The following AK4 variants were observed in gnomAD, a reference collection of about 807,000 sequenced individuals.
AK4 encodes the protein adenylate kinase 4, mitochondrial.
A neutral mutation model predicts 24.6 loss-of-function variants in AK4; 13 were observed. The ratio of observed to expected loss-of-function variants is 0.53; its 90% CI spans 0.34 to 0.84. The LOEUF (loss-of-function observed/expected upper bound fraction) is 0.84, where lower values mean the gene tolerates loss of function less well. Among genes scored for constraint, AK4 ranks in the 40% least tolerant of loss-of-function variants. AK4 has a pLI of 0.01. For missense variants in AK4, 192 were observed against 288.2 expected (o/e 0.67, Z 2.42); for synonymous variants, 88 against 107.0 (o/e 0.82, Z 1.10).
chr1:65,181,603 G>A (rs1215523788), intron 1 of AK4, among the ~76,000 whole-genome samples: 1 of 152,100 alleles, frequency 6.6e-6, no homozygotes, highest in Non-Finnish European at 1.5e-5. Flanking sequence ...GGCCAGGCTG[G>A]TCTCAAACTC....
Position 65,229,244 on chromosome 1 carries a change from C to T in AK4, c.*3067C>T, listed in dbSNP as rs1652561952. 6.6e-6 allele frequency: 1 copy of T among 152,032 alleles called. No homozygotes were observed. Among genetic ancestry groups the T allele is most frequent in the Non-Finnish European group, 1.5e-5 (1 of 68,024 alleles). The allele number at this position is 152,032 out of a possible 1,614,324, so 9.4% of individuals were successfully genotyped here. On this transcript the variant is annotated 3_prime_UTR_variant, in exon 5 of 5. Transcript: ENST00000327299. The stretch of plus-strand genomic sequence containing the variant: ...GAGTCTGCTTGGTTCTGCTTATGGC[C>T]TCACATCAAGAAATGGAGCTAGTCC...
At chr1:65,195,463 C>G (rs1489296947) in intron 2 of AK4, among the ~76,000 whole-genome samples, 3 of 152,300 alleles carry the variant, frequency 2.0e-5, no homozygotes, top group Admixed American at 6.5e-5. Context: ...TGAGTCTTCT[C>G]ATCTTGCAAA....
chr1:65,230,585 CCTT>C lies in AK4; in HGVS notation c.*4409_*4411del, dbSNP rs1370361988. 6.6e-6 allele frequency: 1 copy of C among 152,140 alleles called. No homozygotes were observed. Among genetic ancestry groups the C allele is most frequent in the Non-Finnish European group, 1.5e-5 (1 of 68,030 alleles). 9.4% of individuals were successfully genotyped at this position (152,140 alleles called of 1,614,324 possible). ...CATATGTAATAATCTAAACTTGCCT[CCTT>C]GTATTATAAATGGAAATAATCCTGT... On this transcript the variant is annotated 3_prime_UTR_variant, in exon 5 of 5. Coordinates refer to ENST00000327299, the MANE Select transcript of AK4 (RefSeq NM_013410.4).
intron 1 of AK4, among the ~76,000 whole-genome samples, chr1:65,171,081 G>A (rs550852261): frequency 4.1e-5 from 6 of 145,504 alleles, no homozygotes; most frequent in Admixed American, 1.4e-4. Context: ...TCAGCCTCCC[G>A]AGTAGCTCGG....
At position 65,229,203 on chromosome 1, in the gene AK4, A is replaced by G. The variant is rs1428319150; in HGVS notation, c.*3026A>G. 3.3e-5 allele frequency: 5 copies of G among 152,150 alleles called. No homozygotes were observed. Among genetic ancestry groups the G allele is most frequent in the Non-Finnish European group, 7.3e-5 (5 of 68,032 alleles). The allele number at this position is 152,150 out of a possible 1,614,324, so 9.4% of individuals were successfully genotyped here. On this transcript the variant is annotated 3_prime_UTR_variant, in exon 5 of 5. Transcript: ENST00000327299. Reference sequence around the variant, plus strand: ...TGTTATTAATAGCTAATTGTGTCCAAGCAACCAAGGGCCTTGAGTCTGCTT... The same window carrying G: ...TGTTATTAATAGCTAATTGTGTCCAGGCAACCAAGGGCCTTGAGTCTGCTT...
intron 1 of AK4, among the ~76,000 whole-genome samples, chr1:65,156,567 G>C (rs1303600774): frequency 6.6e-6 from 1 of 152,036 alleles, no homozygotes; most frequent in East Asian, 1.9e-4. Context: ...TGAAAATTGA[G>C]AACCAAAGAA....
intron 2 of AK4, among the ~76,000 whole-genome samples, chr1:65,200,303 C>T (rs1262797187): frequency 6.6e-6 from 1 of 152,018 alleles, no homozygotes; most frequent in Admixed American, 6.6e-5. Context: ...TTAGTAGAGA[C>T]GGGGTTTCAC....
intron 4 of AK4, among the ~76,000 whole-genome samples, chr1:65,225,547 T>A (rs1040744759): frequency 3.3e-5 from 5 of 152,168 alleles, no homozygotes; most frequent in South Asian, 2.1e-4. Context: ...TTAAATTTTT[T>A]AAATAACATG....
intron 4 of AK4, 71 bp downstream of exon 4, chr1:65,224,941 G>A (rs1026870220): frequency 4.6e-5 from 55 of 1,186,538 alleles, no homozygotes; most frequent in Non-Finnish European, 5.9e-5. Context: ...GGAGGAACAC[G>A]GGGCTGAGGC....
intron 2 of AK4, among the ~76,000 whole-genome samples, chr1:65,210,142 C>T (rs1200461550): frequency 6.6e-6 from 1 of 152,300 alleles, no homozygotes; most frequent in East Asian, 1.9e-4. Context: ...AATACTACTA[C>T]TTACTTGGTA....
In AK4 at chr1:65,190,810, C is replaced by A; in HGVS notation, c.246C>A (p.Gly82=). The part of the protein sequence containing the change: ...LMMSELENRR[G]QHWLLDGFPR... ...TGTCCGAGTTGGAGAACAGGCGTGG[C>A]CAGCACTGGCTCCTTGATGGTGAGT... The change falls in exon 2 of 5, where the codon GGC becomes GGA. Residue 82 remains glycine, a synonymous_variant. Coordinates refer to ENST00000327299, the MANE Select transcript of AK4 (RefSeq NM_013410.4). 6.2e-7 allele frequency: 1 copy of A among 1,613,916 alleles called. No individual in the cohort carries two copies. The highest frequency in any genetic ancestry group is 1.7e-5 in the Admixed American group (1 of 59,970).
chr1:65,188,093 A>AT (rs1651163738), intron 1 of AK4, among the ~76,000 whole-genome samples: 1 of 152,184 alleles, frequency 6.6e-6, no homozygotes, highest in African/African-American at 2.4e-5. Flanking sequence ...TTCTACCTAA[A>AT]TTAAAGGTGA....
chr1:65,191,547 T>G (rs926707422), intron 2 of AK4, among the ~76,000 whole-genome samples: 1 of 145,016 alleles, frequency 6.9e-6, no homozygotes, highest in African/African-American at 2.5e-5. Flanking sequence ...GGAAGGTAGG[T>G]TTTTTTTTTT....
intron 1 of AK4, among the ~76,000 whole-genome samples, chr1:65,182,210 A>T (rs1891674): frequency 6.6e-6 from 1 of 151,986 alleles, no homozygotes; most frequent in South Asian, 2.1e-4. Flanking sequence ...TGTGAGCTAC[A>T]ACACTCAGTT....
intron 1 of AK4, among the ~76,000 whole-genome samples, chr1:65,161,869 A>G (rs2100994121): frequency 6.6e-6 from 1 of 152,300 alleles, no homozygotes; most frequent in Middle Eastern, 3.4e-3. Flanking sequence ...TGGGAAGACT[A>G]CTTGAGATTG....
At chr1:65,211,801 A>G (rs1353947513) in intron 2 of AK4, among the ~76,000 whole-genome samples, 5 of 152,258 alleles carry the variant, frequency 3.3e-5, no homozygotes, top group African/African-American at 4.8e-5. Context: ...AGGAATAGAA[A>G]CACTTAAAAA....
At chr1:65,170,878 T>A (rs1028336038) in intron 1 of AK4, among the ~76,000 whole-genome samples, 1 of 152,174 alleles carries the variant, frequency 6.6e-6, no homozygotes, top group Non-Finnish European at 1.5e-5. Flanking sequence ...CAGCCCTCTG[T>A]TAAGGGTTTC....
chr1:65,192,050 C>A (rs2226173), intron 2 of AK4, among the ~76,000 whole-genome samples: 50,252 of 152,038 alleles, frequency 0.33, 9,201 homozygotes, highest in East Asian at 0.52. Flanking sequence ...CCCTCTCTGC[C>A]CTTACCTAGG....
chr1:65,222,155 A>G (rs528420337), intron 3 of AK4, among the ~76,000 whole-genome samples: 1 of 152,278 alleles, frequency 6.6e-6, no homozygotes, highest in East Asian at 1.9e-4. Flanking sequence ...CATGATGTTT[A>G]CACAGTGCTG....
Sources: allele counts gnomAD v4.1 joint callset (sites outside exome capture counted in the v4.1 genomes callset), GRCh38; gene constraint gnomAD v4.1.1; transcripts MANE v1.5; gene names NCBI Gene and HGNC (gene_info 2026-07-23, HGNC 2026-07-21).